The following USP9X variants were observed in gnomAD, a reference collection of about 807,000 sequenced individuals.
The protein encoded by USP9X is ubiquitin carboxyl-terminal hydrolase 9X.
USP9X carries 7 observed loss-of-function variants against 190.3 expected under a neutral mutation model. That is an observed-to-expected ratio of 0.04 (90% CI 0.02 to 0.07). USP9X has a LOEUF of 0.07. Ranked by LOEUF, USP9X falls within the 10% of genes least tolerant of loss-of-function variation. The pLI, the probability that USP9X is intolerant of heterozygous loss-of-function variation, is 1.00. For missense variants in USP9X, 1,010 were observed against 1,916.9 expected (o/e 0.53, Z 8.83); for synonymous variants, 645 against 659.5 (o/e 0.98, Z 0.34).
intron 1 of USP9X, among the ~76,000 whole-genome samples, chrX:41,111,593 G>T (rs909403616): frequency 7.2e-5 from 8 of 111,641 alleles, no homozygotes; most frequent in African/African-American, 2.6e-4. Flanking sequence ...GTGAGTACTT[G>T]ATGAATCCTG....
intron 41 of USP9X, among the ~76,000 whole-genome samples, chrX:41,227,955 C>T (rs550385858): frequency 8.9e-6 from 1 of 112,176 alleles, no homozygotes; most frequent in Non-Finnish European, 1.9e-5. Context: ...CCACCTCGGC[C>T]TCCCGAAGTG....
At chrX:41,087,924 A>AT (rs761478834) in intron 1 of USP9X, among the ~76,000 whole-genome samples, 1 of 112,177 alleles carries the variant, frequency 8.9e-6, no homozygotes, top group Non-Finnish European at 1.9e-5. Context: ...GGAACATTGA[A>AT]GGGCAGATTT....
intron 1 of USP9X, among the ~76,000 whole-genome samples, chrX:41,094,868 C>T (rs756761953): frequency 7.4e-5 from 8 of 108,155 alleles, no homozygotes; most frequent in East Asian, 2.9e-4. Flanking sequence ...GTGAGACCCC[C>T]GTCTCTACTA....
chrX:41,106,407 T>C (rs1053469905), intron 1 of USP9X, among the ~76,000 whole-genome samples: 2 of 111,463 alleles, frequency 1.8e-5, no homozygotes, highest in Admixed American at 1.9e-4. Context: ...GAAAGAAATA[T>C]GCAGTCATAC....
chrX:41,102,389 G>A (rs1306273860), intron 1 of USP9X, among the ~76,000 whole-genome samples: 1 of 110,955 alleles, frequency 9.0e-6, no homozygotes, highest in African/African-American at 3.3e-5. Context: ...AGGTGGAGGT[G>A]GGCGGATCAC....
intron 6 of USP9X, among the ~76,000 whole-genome samples, chrX:41,138,567 T>C (rs1364586654): frequency 8.9e-6 from 1 of 111,937 alleles, no homozygotes; most frequent in African/African-American, 3.3e-5. Context: ...CTGTTCTACT[T>C]CAAATTCTCT....
At chrX:41,141,575 T>C in intron 9 of USP9X, 144 bp downstream of exon 9, 1 of 590,234 alleles carries the variant, frequency 1.7e-6, no homozygotes, top group Non-Finnish European at 2.3e-6. Context: ...ATAACTCTGT[T>C]AATCCTGAGA....
intron 1 of USP9X, among the ~76,000 whole-genome samples, chrX:41,093,534 G>A (rs1429952057): frequency 1.8e-5 from 2 of 111,400 alleles, no homozygotes; most frequent in Non-Finnish European, 3.8e-5. Context: ...AATAGAGTTG[G>A]GGTTTCTCCA....
At chrX:41,168,763 TG>T (rs1302719295) in intron 18 of USP9X, among the ~76,000 whole-genome samples, 3 of 112,325 alleles carry the variant, frequency 2.7e-5, no homozygotes, top group African/African-American at 6.5e-5. Flanking sequence ...CCCAAAGTGC[TG>T]GGATTATAGG....
intron 41 of USP9X, among the ~76,000 whole-genome samples, chrX:41,226,111 G>GTTTAT (rs774738672): frequency 0.087 from 9,758 of 111,980 alleles, 406 homozygotes; most frequent in Non-Finnish European, 0.12. Flanking sequence ...TGATTTTGCA[G>GTTTAT]TTATAAATAA....
chrX:41,189,661 C>G (rs1602015930), intron 26 of USP9X, 186 bp downstream of exon 26: 2 of 350,104 alleles, frequency 5.7e-6, no homozygotes, highest in Middle Eastern at 8.0e-4. Context: ...TCTGCAAATG[C>G]CAATATTAAT....
chrX:41,130,473 CTT>C (rs1274142843), intron 3 of USP9X, among the ~76,000 whole-genome samples: 1 of 91,215 alleles, frequency 1.1e-5, no homozygotes. Context: ...TTCTTTTTTT[CTT>C]TTTTTTTTTG....
chrX:41,180,219 A>G (rs1161960106), intron 21 of USP9X, among the ~76,000 whole-genome samples: 1 of 112,621 alleles, frequency 8.9e-6, no homozygotes, highest in Non-Finnish European at 1.9e-5. Flanking sequence ...CTCTCAAAAG[A>G]TATATTTCAT....
chrX:41,204,596 G>A (rs1006565303), intron 31 of USP9X, among the ~76,000 whole-genome samples: 2 of 111,426 alleles, frequency 1.8e-5, no homozygotes, highest in African/African-American at 6.5e-5. Context: ...ACATAACAAC[G>A]TTTCAGACAA....
At chrX:41,116,434 C>T in intron 1 of USP9X, among the ~76,000 whole-genome samples, 1 of 112,301 alleles carries the variant, frequency 8.9e-6, no homozygotes, top group Non-Finnish European at 1.9e-5. Context: ...ATCTCTGTGA[C>T]ATAAAAAACA....
intron 25 of USP9X, 88 bp downstream of exon 25, chrX:41,188,205 T>A (rs951668679): frequency 4.3e-6 from 4 of 930,572 alleles, no homozygotes; most frequent in Non-Finnish European, 2.9e-6. Flanking sequence ...TTGCTATTTT[T>A]AAAAATTGAA....
chrX:41,125,684 A>ACACACACACACACACACACACTCTCTCT, intron 2 of USP9X, among the ~76,000 whole-genome samples: 3 of 19,027 alleles, frequency 1.6e-4, no homozygotes, highest in Non-Finnish European at 2.7e-4. Flanking sequence ...ACACACACAC[A>ACACACACACACACACACACACTCTCTCT]CTCTCTCTCT....
chrX:41,176,662 A>G (rs1356030352), intron 21 of USP9X, among the ~76,000 whole-genome samples: 1 of 111,794 alleles, frequency 8.9e-6, no homozygotes, highest in Non-Finnish European at 1.9e-5. Context: ...TTACACATCT[A>G]CCCAGCTGAG....
chrX:41,147,557 A>G (rs1388267988), intron 11 of USP9X, among the ~76,000 whole-genome samples: 5 of 104,135 alleles, frequency 4.8e-5, no homozygotes, highest in Non-Finnish European at 9.7e-5. Context: ...GGATTCAAGC[A>G]ATTCTCCTGC....
Sources: gnomAD v4.1 joint callset for allele counts (sites outside exome capture counted in the v4.1 genomes callset) on GRCh38, gnomAD v4.1.1 for gene constraint, MANE v1.5 for transcripts, NCBI Gene and HGNC (gene_info 2026-07-23, HGNC 2026-07-21) for gene names.